MZT2B: variants seen among roughly 807,000 people sequenced by gnomAD.
The protein encoded by MZT2B is mitotic-spindle organizing protein 2B.
Under a neutral mutation model 12.1 loss-of-function variants are expected in MZT2B, and 11 were observed. The ratio of observed to expected loss-of-function variants is 0.91; its 90% CI spans 0.57 to 1.50. MZT2B has a LOEUF of 1.50. Ranked by LOEUF, MZT2B falls within the 40% of genes most tolerant of loss-of-function variation. The probability of loss-of-function intolerance (pLI) is 0.00; values close to 1 mark genes in which losing one functional copy is unlikely to be tolerated. For missense variants in MZT2B, 209 were observed against 227.7 expected, an observed-to-expected ratio of 0.92 and a Z score of 0.53; for synonymous variants, 85 against 109.5, an observed-to-expected ratio of 0.78 and a Z score of 1.40.
intron 2 of MZT2B, among the ~76,000 whole-genome samples, chr2:130,186,795 A>G (rs143144414): frequency 1.5e-3 from 226 of 152,224 alleles, no homozygotes; most frequent in African/African-American, 5.2e-3. Flanking sequence ...AGTTCCAGCT[A>G]CTTGGGAGGC....
chr2:130,183,812 C>G, intron 2 of MZT2B: 1 of 1,550,736 alleles, frequency 6.4e-7, no homozygotes, highest in African/African-American at 1.4e-5. Flanking sequence ...CTGCCAGGAA[C>G]AGTAGCCCCC....
At chr2:130,189,819 C>G (rs955956514) in intron 2 of MZT2B, among the ~76,000 whole-genome samples, 5 of 152,156 alleles carry the variant, frequency 3.3e-5, no homozygotes, top group Non-Finnish European at 5.9e-5. Flanking sequence ...TCCAAGAGAG[C>G]CTCTGGTGGT....
At chr2:130,192,512 G>C (rs1397747279), downstream of MZT2B, among the ~76,000 whole-genome samples, 6 of 152,170 alleles carry the variant, frequency 3.9e-5, no homozygotes, top group South Asian at 2.1e-4. Flanking sequence ...CACAACTCTT[G>C]CCCATGCTAT....
At chr2:130,181,821 C>G (rs527748224), upstream of MZT2B, 97 of 1,545,064 alleles carry the variant, frequency 6.3e-5, no homozygotes, top group Middle Eastern at 1.7e-3. Flanking sequence ...AGCAAGGAAT[C>G]CGCGTGCGCG....
intron 2 of MZT2B, chr2:130,184,243 T>G (rs1380662910): frequency 1.4e-6 from 2 of 1,385,230 alleles, no homozygotes; most frequent in African/African-American, 2.9e-5. Context: ...AGAGCCCCTC[T>G]CCAAGGGAAG....
chr2:130,195,840 C>G, the MZT2B span, among the ~76,000 whole-genome samples: 1 of 152,240 alleles, frequency 6.6e-6, no homozygotes, highest in African/African-American at 2.4e-5. Flanking sequence ...GGGAGGGAAC[C>G]AATGCCACTG....
rs1320276539 is a variant in MZT2B at position 130,182,724 on chromosome 2, C to G, written c.268C>G (p.Gln90Glu). ...CAGQRLASEP[Q>E]DPAAVSLPTS... ...CGGGCAGAGGCTAGCGAGCGAGCCC[C>G]AGGACCCTGCGGCCGTGTCTCTGCC... Residue 90 changes from glutamine (Q) to glutamate (E), a missense_variant, in exon 2 of 3, where the codon CAG becomes GAG. Physicochemically the swap from Gln to Glu is conservative, Grantham distance 29 (BLOSUM62 2). Coordinates refer to ENST00000281871, the MANE Select transcript of MZT2B (RefSeq NM_025029.5). The G allele has an allele frequency of 7.8e-6, 12 of 1,535,326 alleles. No homozygotes were observed. The highest frequency in any genetic ancestry group is 2.3e-4 in the Middle Eastern group (1 of 4,318).
rs1227098637 is a variant in MZT2B at position 130,183,766 on chromosome 2, G to A, written c.319+991G>A. Reference sequence around the variant, plus strand: ...GACCTTCGCTCTGTCTGCTCTCTTTGTGTCTCTCTCTGACCTCCAGAGGCC... The same window carrying A: ...GACCTTCGCTCTGTCTGCTCTCTTTATGTCTCTCTCTGACCTCCAGAGGCC... On this transcript the variant is annotated intron_variant, in intron 2 of 2. Coordinates refer to ENST00000281871, the MANE Select transcript of MZT2B (RefSeq NM_025029.5). 7 of 1,550,602 alleles carry A rather than the reference G, an allele frequency of 4.5e-6. No homozygotes were observed. In the South Asian group the frequency reaches 4.8e-5, roughly 11 times the overall value.
downstream of MZT2B, chr2:130,191,600 C>T (rs1409628597): frequency 3.2e-5 from 18 of 563,816 alleles, no homozygotes; most frequent in Non-Finnish European, 5.1e-5. Flanking sequence ...GGTCAGGTTA[C>T]TTCTGTGGCA....
chr2:130,191,140 C>T (rs189156034), downstream of MZT2B, among the ~76,000 whole-genome samples: 3 of 147,072 alleles, frequency 2.0e-5, no homozygotes, highest in African/African-American at 5.4e-5. Flanking sequence ...TTAGTAGAGA[C>T]GGGGTTTCAC....
At position 130,184,585 on chromosome 2, in the gene MZT2B, G is replaced by A. The variant is rs574568281; in HGVS notation, c.319+1810G>A. 6.1e-5 allele frequency: 60 copies of A among 985,386 alleles called. No homozygotes were observed. In the African/African-American group the frequency reaches 8.2e-4, roughly 13 times the overall value. 61.0% of individuals were successfully genotyped at this position (985,386 alleles called of 1,614,324 possible). On this transcript the variant is annotated intron_variant, in intron 2 of 2. Transcript: ENST00000281871. ...CCTCCTGCGTGCACTTCCTGACAGC[G>A]CCCACCTCACTGCCACCCAGAGCTC...
At chr2:130,190,382 A>G in intron 2 of MZT2B, 87 bp from the exon 3 acceptor site, 1 of 1,570,428 alleles carries the variant, frequency 6.4e-7, no homozygotes, top group Admixed American at 1.7e-5. Flanking sequence ...GTGCAGACAC[A>G]AATGTTGCCC....
chr2:130,201,680 C>A, the MZT2B span, among the ~76,000 whole-genome samples: 79 of 152,334 alleles, frequency 5.2e-4, no homozygotes, highest in African/African-American at 1.9e-3. Flanking sequence ...TCACACGGTG[C>A]TCTTCAGTCC....
intron 2 of MZT2B, among the ~76,000 whole-genome samples, chr2:130,190,254 A>T (rs936150708): frequency 5.3e-5 from 8 of 152,174 alleles, no homozygotes; most frequent in African/African-American, 1.7e-4. Context: ...GGACACATCC[A>T]AAAGGGTCCC....
upstream of MZT2B, chr2:130,181,798 G>GT (rs2104949650): frequency 6.5e-7 from 1 of 1,546,190 alleles, no homozygotes; most frequent in East Asian, 2.5e-5. Flanking sequence ...GCGCCCCAAG[G>GT]TACTTTCTCC....
At chr2:130,193,822 A>G (rs188142199), downstream of MZT2B, 457 of 1,613,174 alleles carry the variant, frequency 2.8e-4, 2 homozygotes, top group South Asian at 1.5e-3. Context: ...CAAACTGGAT[A>G]GTGCGCTTGG....
the MZT2B span, among the ~76,000 whole-genome samples, chr2:130,203,026 GTTCTTTTTTCTT>G: frequency 6.7e-6 from 1 of 148,552 alleles, no homozygotes; most frequent in African/African-American, 2.5e-5. Flanking sequence ...ACACAATTAG[GTTCTTTTTTCTT>G]TTCTTTTTTC....
At chr2:130,189,597 G>A (rs112984698) in intron 2 of MZT2B, among the ~76,000 whole-genome samples, 1 of 152,302 alleles carries the variant, frequency 6.6e-6, no homozygotes, top group East Asian at 1.9e-4. Flanking sequence ...ATGGGGGTCT[G>A]TGACCCCACG....
At chr2:130,183,993 G>T (rs762993470) in intron 2 of MZT2B, 1 of 1,550,478 alleles carries the variant, frequency 6.4e-7, no homozygotes, top group East Asian at 2.4e-5. Context: ...TATCTCTGGG[G>T]GTTGGTGCTC....
Sources: allele counts gnomAD v4.1 joint callset (sites outside exome capture counted in the v4.1 genomes callset), GRCh38; gene constraint gnomAD v4.1.1; transcripts MANE v1.5; gene names NCBI Gene and HGNC (gene_info 2026-07-23, HGNC 2026-07-21).